The following MFSD12 variants were observed in gnomAD, a reference collection of about 807,000 sequenced individuals.
The protein encoded by MFSD12 is major facilitator superfamily domain-containing protein 12.
MFSD12 carries 67 observed loss-of-function variants against 51.2 expected under a neutral mutation model. The ratio of observed to expected loss-of-function variants is 1.31; its 90% CI spans 1.08 to 1.60. MFSD12 has a LOEUF of 1.60. MFSD12 is among the 40% of genes most tolerant of loss of function. The pLI is 0.00. For missense variants in MFSD12, 921 were observed against 673.0 expected, an observed-to-expected ratio of 1.37 and a Z score of -4.08; for synonymous variants, 441 against 316.7, an observed-to-expected ratio of 1.39 and a Z score of -4.17.
chr19:3,554,524 G>C (rs2031641542), intron 1 of MFSD12, among the ~76,000 whole-genome samples: 1 of 151,698 alleles, frequency 6.6e-6, no homozygotes, highest in Admixed American at 6.6e-5. Flanking sequence ...TGTGGCACCA[G>C]CAAAAGCTCC....
chr19:3,553,502 C>CG (rs1431047328), intron 1 of MFSD12, among the ~76,000 whole-genome samples: 2,799 of 149,040 alleles, frequency 0.019, 76 homozygotes, highest in African/African-American at 0.065. Context: ...GGCGCGGTGG[C>CG]TCACGCCTGT....
chr19:3,542,526 T>A (rs889325173), downstream of MFSD12: 4 of 922,790 alleles, frequency 4.3e-6, no homozygotes, highest in Admixed American at 2.5e-4. Context: ...CAGGCTGGAG[T>A]GCAAGGGCAC....
intron 1 of MFSD12, among the ~76,000 whole-genome samples, chr19:3,554,167 T>C (rs1008047462): frequency 6.6e-6 from 1 of 151,820 alleles, no homozygotes; most frequent in Non-Finnish European, 1.5e-5. Context: ...CCAGGCGTGG[T>C]TGCTCACACC....
At chr19:3,544,168 G>A (rs1599817997), downstream of MFSD12, 1 of 1,372,340 alleles carries the variant, frequency 7.3e-7, no homozygotes. Flanking sequence ...CCCCTGCCCA[G>A]AGCCCCCCCG....
At chr19:3,555,038 G>T (rs1019857981) in intron 1 of MFSD12, among the ~76,000 whole-genome samples, 1 of 152,356 alleles carries the variant, frequency 6.6e-6, no homozygotes, top group South Asian at 2.1e-4. Flanking sequence ...TGGACCACCT[G>T]GTTCCCTGAG....
chr19:3,543,662 A>C (rs1486213530), downstream of MFSD12: 1 of 1,541,072 alleles, frequency 6.5e-7, no homozygotes, highest in South Asian at 1.2e-5. Flanking sequence ...AGACAGGCCA[A>C]TCCGGGGCAA....
chr19:3,543,510 G>A, downstream of MFSD12: 2 of 1,461,946 alleles, frequency 1.4e-6, no homozygotes, highest in Non-Finnish European at 1.8e-6. Flanking sequence ...CAGCGGGCCT[G>A]CCAGAGGGGG....
rs996550302 is a variant in MFSD12, at chr19:3,549,450, G to A, written c.510-1183C>T. 3.9e-5 allele frequency among the ~76,000 whole-genome samples: 6 copies of A among 152,026 alleles called. No homozygotes were observed. In the Middle Eastern group the frequency reaches 0.01, roughly 260 times the overall value. ...TCCACAGGGAGATTACTGGCCAGGC[G>A]CGGTGGCTCACGCCTGTAATCTCAG... On this transcript the variant is annotated intron_variant, in intron 2 of 9. Transcript: ENST00000355415.
downstream of MFSD12, chr19:3,544,021 C>T (rs1024319168): frequency 2.0e-6 from 3 of 1,525,564 alleles, no homozygotes; most frequent in Non-Finnish European, 2.7e-6. Context: ...AGGCATGCTA[C>T]CAGGATGCAC....
At chr19:3,553,884 C>A (rs977527381) in intron 1 of MFSD12, among the ~76,000 whole-genome samples, 1 of 151,428 alleles carries the variant, frequency 6.6e-6, no homozygotes, top group African/African-American at 2.4e-5. Flanking sequence ...GAGTTCGAGA[C>A]CAGCCTGACC....
downstream of MFSD12, chr19:3,539,401 C>T (rs2030171427): frequency 1.6e-6 from 1 of 610,880 alleles, no homozygotes; most frequent in Admixed American, 2.6e-5. Flanking sequence ...ACGTCCCCTC[C>T]AGCTCTTCCT....
downstream of MFSD12, chr19:3,543,869 G>A (rs1428731497): frequency 8.4e-6 from 13 of 1,549,546 alleles, no homozygotes; most frequent in Middle Eastern, 1.7e-4. Context: ...CACTGTGGAG[G>A]GCATCAGACT....
chr19:3,550,374 C>T (rs531729798), intron 2 of MFSD12, among the ~76,000 whole-genome samples: 1 of 152,036 alleles, frequency 6.6e-6, no homozygotes, highest in African/African-American at 2.4e-5. Flanking sequence ...TATAGTGAGA[C>T]CCTGTCTCTA....
rs1048021013 is a variant in MFSD12 at position 3,544,348 on chromosome 19, T to G, written c.*362A>C. On this transcript the variant is annotated 3_prime_UTR_variant, in exon 10 of 10. Coordinates refer to ENST00000355415, the MANE Select transcript of MFSD12 (RefSeq NM_174983.5). ...GTCCTGAGGGGGCCCTGGCAGTGTCTGGAGACCCCCAGGCTGGAGGTGAGG... is the reference window on the plus strand; with the variant it reads ...GTCCTGAGGGGGCCCTGGCAGTGTCGGGAGACCCCCAGGCTGGAGGTGAGG... 36 of 1,273,498 alleles carry G rather than the reference T, an allele frequency of 2.8e-5. No individual in the cohort carries two copies. The highest frequency in any genetic ancestry group is 3.6e-5 in the Non-Finnish European group (36 of 1,009,364). The allele number at this position is 1,273,498 out of a possible 1,614,324, so 78.9% of individuals were successfully genotyped here.
At chr19:3,547,729 G>T in intron 4 of MFSD12, 119 bp downstream of exon 4, 1 of 1,285,528 alleles carries the variant, frequency 7.8e-7, no homozygotes, top group Non-Finnish European at 1.1e-6. Context: ...GTTTGCCCTG[G>T]GTGTGGGCTG....
At position 3,548,011 on chromosome 19, in the gene MFSD12, A is replaced by C; in HGVS notation, c.674T>G (p.Val225Gly). 6.3e-7 allele frequency: 1 copy of C among 1,598,974 alleles called. No individual in the cohort carries two copies. The highest frequency in any genetic ancestry group is 8.5e-7 in the Non-Finnish European group (1 of 1,179,326). The change falls in exon 4 of 10, where the codon GTG becomes GGG. Residue 225 changes from valine (V) to glycine (G), a missense_variant. Transcript: ENST00000355415. ...PVFRNLSLLV[V>G]GVGAVFSLLF... ...CAGTGAGAACACGGCGCCGACACCC[A>C]CCACCAGCAGGGACAGGTTCTGGGG...
chr19:3,543,780 C>G (rs1177774605), downstream of MFSD12: 16 of 1,491,696 alleles, frequency 1.1e-5, no homozygotes, highest in Non-Finnish European at 1.4e-5. Context: ...CCCTTGCTGG[C>G]CAACGGCGAG....
downstream of MFSD12, among the ~76,000 whole-genome samples, chr19:3,541,249 T>C (rs1301033919): frequency 6.7e-6 from 1 of 148,902 alleles, no homozygotes; most frequent in African/African-American, 2.5e-5. Context: ...GGTAGGAGGA[T>C]CGCTTGAGCC....
rs1308359725 is a variant in MFSD12 at position 3,551,880 on chromosome 19, A to T, written c.299-686T>A. On this transcript the variant is annotated intron_variant, in intron 1 of 9. Transcript: ENST00000355415. This position sits in a 1 kb window ranked among gnomAD's most constrained non-coding sequence, Gnocchi z 4.6. Reference sequence around the variant, plus strand: ...CCAGCCATGCAGGTCTCCTCACTGCAGGACCTCTTCAACATGCCAGGCGGT... The same window carrying T: ...CCAGCCATGCAGGTCTCCTCACTGCTGGACCTCTTCAACATGCCAGGCGGT... 1.3e-5 allele frequency among the ~76,000 whole-genome samples: 2 copies of T among 152,066 alleles called. No homozygotes were observed. Among genetic ancestry groups the T allele is most frequent in the African/African-American group, 4.8e-5 (2 of 41,396 alleles).
Sources: gnomAD v4.1 joint callset for allele counts (sites outside exome capture counted in the v4.1 genomes callset) on GRCh38, gnomAD v4.1.1 for gene constraint, Gnocchi (gnomAD v3.1) non-coding constraint, MANE v1.5 for transcripts, NCBI Gene and HGNC (gene_info 2026-07-23, HGNC 2026-07-21) for gene names.